The following MAP2 variants were observed in gnomAD, a reference collection of about 807,000 sequenced individuals.
The protein encoded by MAP2 is microtubule associated protein 2.
Under a neutral mutation model 137.6 loss-of-function variants are expected in MAP2, and 14 were observed. That is an observed-to-expected ratio of 0.10 (90% confidence interval 0.07 to 0.16). The LOEUF (loss-of-function observed/expected upper bound fraction) is 0.16, where lower values mean the gene tolerates loss of function less well. MAP2 is among the 10% of genes least tolerant of loss of function. MAP2 has a pLI of 1.00. For missense variants in MAP2, 2,088 were observed against 2,191.5 expected (o/e 0.95, Z 0.94); for synonymous variants, 786 against 782.3 (o/e 1.00, Z -0.08).
chr2:209,676,771 A>ATC (rs2051932946), intron 5 of MAP2, among the ~76,000 whole-genome samples: 6 of 107,424 alleles, frequency 5.6e-5, no homozygotes, highest in Non-Finnish European at 7.4e-5. Flanking sequence ...ATATATATAT[A>ATC]TCTCCCAATT....
At chr2:209,677,098 T>G (rs763590058) in intron 5 of MAP2, among the ~76,000 whole-genome samples, 1 of 151,718 alleles carries the variant, frequency 6.6e-6, no homozygotes, top group African/African-American at 2.4e-5. Context: ...CCCAGCAGCC[T>G]GGCTTTATGA....
At chr2:209,495,775 C>T (rs1559236132) in intron 1 of MAP2, among the ~76,000 whole-genome samples, 1 of 152,178 alleles carries the variant, frequency 6.6e-6, no homozygotes, top group Non-Finnish European at 1.5e-5. Context: ...ACTTAATACT[C>T]ATTTCCTATA....
chr2:209,696,503 A>T (rs183159817), intron 8 of MAP2, 39 bp from the exon 9 acceptor site: 7 of 1,533,928 alleles, frequency 4.6e-6, no homozygotes, highest in Non-Finnish European at 5.3e-6. Flanking sequence ...TAATGTTTTC[A>T]CTGTTGTTGT....
At chr2:209,714,157 C>T (rs193266569) in intron 13 of MAP2, among the ~76,000 whole-genome samples, 4 of 152,202 alleles carry the variant, frequency 2.6e-5, no homozygotes, top group Admixed American at 6.6e-5. Context: ...GCCAAGACCA[C>T]GCCATTGCAC....
intron 13 of MAP2, among the ~76,000 whole-genome samples, chr2:209,712,907 T>A (rs2066001460): frequency 6.6e-6 from 1 of 152,142 alleles, no homozygotes; most frequent in African/African-American, 2.4e-5. Context: ...AGCACATTGT[T>A]CTCAATTGTA....
chr2:209,509,503 A>C lies in MAP2; in HGVS notation c.-172+1862A>C, dbSNP rs189950954. On this transcript the variant is annotated intron_variant, in intron 2 of 15. Transcript: ENST00000682079. ...ATTTATTAGTATTGTTTTCCCTTCTATCTGGAAATGAAAATAATATTAAAT... is the reference window on the plus strand; with the variant it reads ...ATTTATTAGTATTGTTTTCCCTTCTCTCTGGAAATGAAAATAATATTAAAT... Among the ~76,000 whole-genome samples the C allele has an allele frequency of 3.3e-5, 5 of 152,096 alleles. No homozygotes were observed. In the East Asian group the frequency reaches 9.6e-4, roughly 29 times the overall value.
chr2:209,640,880 C>CTTTTTTTTTTT (rs71043944), intron 4 of MAP2, among the ~76,000 whole-genome samples: 1 of 137,382 alleles, frequency 7.3e-6, no homozygotes, highest in African/African-American at 2.7e-5. Flanking sequence ...ATTATCTATT[C>CTTTTTTTTTTT]TTTTTTTTTT....
At chr2:209,659,323 G>A (rs746116722) in intron 5 of MAP2, among the ~76,000 whole-genome samples, 12 of 152,092 alleles carry the variant, frequency 7.9e-5, no homozygotes, top group Non-Finnish European at 1.8e-4. Flanking sequence ...AAATCGTGGT[G>A]AAATTAGCTA....
chr2:209,610,791 G>T (rs1410923006), intron 3 of MAP2, among the ~76,000 whole-genome samples: 1 of 152,078 alleles, frequency 6.6e-6, no homozygotes, highest in South Asian at 2.1e-4. Flanking sequence ...AATTCTAAAG[G>T]TACAGAAACC....
chr2:209,639,708 A>C (rs1581684322), intron 4 of MAP2, among the ~76,000 whole-genome samples: 2 of 149,394 alleles, frequency 1.3e-5, no homozygotes, highest in African/African-American at 4.9e-5. Context: ...TCATTTCCAC[A>C]CTTCCCACTT....
intron 1 of MAP2, among the ~76,000 whole-genome samples, chr2:209,429,044 C>G (rs1693451083): frequency 6.6e-6 from 1 of 152,062 alleles, no homozygotes; most frequent in Non-Finnish European, 1.5e-5. Flanking sequence ...AGCTCCGCCC[C>G]CCGGGTTCAC....
At chr2:209,434,010 T>TG (rs1574697411) in intron 1 of MAP2, among the ~76,000 whole-genome samples, 2 of 152,180 alleles carry the variant, frequency 1.3e-5, no homozygotes, top group East Asian at 3.9e-4. Context: ...TAAATAACAG[T>TG]GTAACACACA....
chr2:209,611,245 G>T (rs900752288), intron 3 of MAP2, among the ~76,000 whole-genome samples: 1 of 152,014 alleles, frequency 6.6e-6, no homozygotes. Context: ...CACTTGTGAG[G>T]AATGTAGATT....
intron 13 of MAP2, among the ~76,000 whole-genome samples, chr2:209,720,682 A>G (rs1433497707): frequency 6.6e-6 from 1 of 150,404 alleles, no homozygotes; most frequent in African/African-American, 2.4e-5. Flanking sequence ...ATTGGCAGAG[A>G]TTAAAATGTG....
At position 209,696,197 on chromosome 2, in the gene MAP2, C is replaced by G. The variant is rs775158489; in HGVS notation, c.4027C>G (p.Pro1343Ala). ...VEEAAEAQAE[P>A]KDGSPEAPAS... ...AGAGGCAGCTGAAGCCCAGGCAGAACCCAAAGATGGTTCCCCAGAGGCTCC... is the reference window on the plus strand; with the variant it reads ...AGAGGCAGCTGAAGCCCAGGCAGAAGCCAAAGATGGTTCCCCAGAGGCTCC... The change falls in exon 8 of 16, where the codon CCC becomes GCC. Residue 1343 changes from proline (P) to alanine (A), a missense_variant. Physicochemically the swap from Pro to Ala is conservative, Grantham distance 27. This residue lies in a region of MAP2 where 591 missense variants were observed against 642.6 expected (regional missense o/e 0.92). Transcript: ENST00000682079. The G allele has an allele frequency of 3.1e-6, 5 of 1,613,524 alleles. No homozygotes were observed. The East Asian group carries it at 1.1e-4, about 36-fold the overall frequency.
intron 5 of MAP2, among the ~76,000 whole-genome samples, chr2:209,678,073 T>C (rs2052775289): frequency 6.6e-6 from 1 of 152,044 alleles, no homozygotes; most frequent in Non-Finnish European, 1.5e-5. Context: ...CAAATTTAAG[T>C]TAAATTCAAA....
intron 2 of MAP2, among the ~76,000 whole-genome samples, chr2:209,555,152 C>A (rs1002529306): frequency 1.3e-5 from 2 of 151,768 alleles, no homozygotes; most frequent in Admixed American, 1.3e-4. Flanking sequence ...ATAATCCTAT[C>A]CTTCATTTTA....
chr2:209,668,757 A>G (rs940856817), intron 5 of MAP2, among the ~76,000 whole-genome samples: 4 of 152,074 alleles, frequency 2.6e-5, no homozygotes, highest in African/African-American at 9.7e-5. Context: ...TTTCCAGTGA[A>G]GGTGCTCCCC....
At chr2:209,563,474 G>A (rs901573170) in intron 2 of MAP2, among the ~76,000 whole-genome samples, 5 of 151,488 alleles carry the variant, frequency 3.3e-5, no homozygotes, top group South Asian at 2.1e-4. Flanking sequence ...AGAGATCCAC[G>A]AGAACAACCC....
Sources: gnomAD v4.1 joint callset for allele counts (sites outside exome capture counted in the v4.1 genomes callset) on GRCh38, gnomAD v4.1.1 for gene constraint, gnomAD v4.1.1 regional missense constraint, MANE v1.5 for transcripts, NCBI Gene and HGNC (gene_info 2026-07-23, HGNC 2026-07-21) for gene names.